The following SHPRH variants were observed in gnomAD, a reference collection of about 807,000 sequenced individuals.
SHPRH encodes the protein E3 ubiquitin-protein ligase SHPRH.
SHPRH carries 106 observed loss-of-function variants against 202.5 expected under a neutral mutation model. The observed-to-expected ratio is 0.52, with a 90% CI of 0.45 to 0.62. SHPRH has a LOEUF of 0.62. SHPRH is among the 20% of genes least tolerant of loss of function. SHPRH has a pLI of 0.00. For missense variants in SHPRH, 1,710 were observed against 2,020.0 expected (o/e 0.85, Z 2.94); for synonymous variants, 729 against 686.0 (o/e 1.06, Z -0.98).
intron 25 of SHPRH, among the ~76,000 whole-genome samples, chr6:145,900,932 G>A (rs1782452022): frequency 6.6e-6 from 1 of 151,940 alleles, no homozygotes; most frequent in Admixed American, 6.6e-5. Context: ...CAAATGTGGG[G>A]GGCCAACTAT....
intron 25 of SHPRH, among the ~76,000 whole-genome samples, chr6:145,901,110 T>G (rs1782466680): frequency 6.6e-6 from 1 of 152,160 alleles, no homozygotes; most frequent in South Asian, 2.1e-4. Flanking sequence ...ATATTTCATT[T>G]GACAGTTAAC....
Position 145,955,186 on chromosome 6 carries a change from C to G in SHPRH, c.137G>C (p.Gly46Ala), listed in dbSNP as rs774191147. The stretch of plus-strand genomic sequence containing the variant: ...ATAATGAGCAGAAGAGGTATCTGAA[C>G]CTGGGCAGGGCTGCTCGTCATCATC... ...ISDDDEQPCPGSDTSSAHYII... is the reference protein window; with the variant it reads ...ISDDDEQPCPASDTSSAHYII... The change falls in exon 2 of 30, where the codon GGT becomes GCT. Residue 46 changes from glycine to alanine, a missense_variant. This residue lies in a region of SHPRH where 459 missense variants were observed against 426.5 expected (regional missense o/e 1.08). Coordinates refer to ENST00000275233, the MANE Select transcript of SHPRH (RefSeq NM_001042683.3). The G allele has an allele frequency of 1.2e-6, 2 of 1,613,782 alleles. No homozygotes were observed. Among genetic ancestry groups the G allele is most frequent in the Non-Finnish European group, 1.7e-6 (2 of 1,179,934 alleles).
chr6:145,864,339 G>A, exon 3 of SHPRH: 1 of 405,748 alleles, frequency 2.5e-6, no homozygotes, highest in Non-Finnish European at 5.1e-6. Flanking sequence ...TGAAAAAGAT[G>A]ATAAAAAACA....
At chr6:145,932,147 G>T (rs1055835393) in intron 14 of SHPRH, among the ~76,000 whole-genome samples, 3 of 151,760 alleles carry the variant, frequency 2.0e-5, no homozygotes, top group South Asian at 2.1e-4. Flanking sequence ...TGTTTTCAAG[G>T]TTTCTACTTA....
At chr6:145,903,281 T>C (rs1463673660) in intron 25 of SHPRH, 1 of 151,918 alleles carries the variant, frequency 6.6e-6, no homozygotes, top group East Asian at 1.9e-4. Flanking sequence ...TTTAATTATA[T>C]TTTAAAAGTG....
chr6:145,898,479 T>C (rs980374109), intron 25 of SHPRH, among the ~76,000 whole-genome samples: 4 of 152,146 alleles, frequency 2.6e-5, no homozygotes, highest in African/African-American at 9.7e-5. Flanking sequence ...TGATTTGAGT[T>C]TGTCCTCAGC....
Position 145,935,460 on chromosome 6 carries a change from A to G in SHPRH, c.2570-19T>C. ...AAAAGATCTGAAAAGAAAAAATAAAATACATTGAGGATAACTCTATTACTT... is the reference window on the plus strand; with the variant it reads ...AAAAGATCTGAAAAGAAAAAATAAAGTACATTGAGGATAACTCTATTACTT... On this transcript the variant is annotated intron_variant, in intron 11 of 29. Transcript: ENST00000275233. 6.2e-7 allele frequency: 1 copy of G among 1,611,868 alleles called. No homozygotes were observed. The highest frequency in any genetic ancestry group is 8.5e-7 in the Non-Finnish European group (1 of 1,179,046).
At chr6:145,948,435 G>C in intron 4 of SHPRH, 85 bp from the exon 5 acceptor site, 2 of 1,025,436 alleles carry the variant, frequency 2.0e-6, no homozygotes, top group Non-Finnish European at 2.9e-6. Flanking sequence ...GGTTAACAGT[G>C]AGGATACTCT....
At chr6:145,931,761 AATATT>A (rs1314989719) in intron 14 of SHPRH, among the ~76,000 whole-genome samples, 1 of 152,162 alleles carries the variant, frequency 6.6e-6, no homozygotes, top group African/African-American at 2.4e-5. Flanking sequence ...ACCTTCATAT[AATATT>A]ATACCTCTTC....
At chr6:145,909,134 A>G (rs892820762) in intron 25 of SHPRH, 2 of 152,048 alleles carry the variant, frequency 1.3e-5, no homozygotes, top group African/African-American at 4.8e-5. Flanking sequence ...TGTTTTGGTT[A>G]CTGTAGCCTT....
rs764724098 is a variant in SHPRH at position 145,894,869 on chromosome 6, A to C, written c.4608+16T>G. The stretch of plus-strand genomic sequence containing the variant: ...TCAGTTCGAATTAATATTGAGGATG[A>C]AAATGTTGATTATACCGTTGAGAAA... On this transcript the variant is annotated intron_variant, in intron 26 of 29. Transcript: ENST00000275233. 1.2e-6 allele frequency: 2 copies of C among 1,610,388 alleles called. No homozygotes were observed. Among genetic ancestry groups the C allele is most frequent in the Admixed American group, 3.3e-5 (2 of 59,780 alleles).
chr6:145,858,850 T>C, the SHPRH span, among the ~76,000 whole-genome samples: 6 of 151,974 alleles, frequency 3.9e-5, no homozygotes, highest in African/African-American at 1.4e-4. Flanking sequence ...GAAAGAATAA[T>C]CTGGCATACT....
downstream of SHPRH, among the ~76,000 whole-genome samples, chr6:145,882,929 C>T (rs1780687289): frequency 6.6e-6 from 1 of 152,126 alleles, no homozygotes. Context: ...GAACTGTGTG[C>T]ATATACAAAT....
chr6:145,916,246 C>T (rs965845398), intron 23 of SHPRH, among the ~76,000 whole-genome samples: 1 of 152,086 alleles, frequency 6.6e-6, no homozygotes, highest in Non-Finnish European at 1.5e-5. Context: ...CTTTCACATA[C>T]AGGTTGAGCA....
intron 24 of SHPRH, among the ~76,000 whole-genome samples, chr6:145,912,308 G>C (rs1287128889): frequency 6.6e-6 from 1 of 151,984 alleles, no homozygotes; most frequent in Non-Finnish European, 1.5e-5. Flanking sequence ...TATGAACAGA[G>C]CTTGAAAAGT....
chr6:145,919,621 A>T (rs917659713), intron 21 of SHPRH, 130 bp from the exon 22 acceptor site: 1 of 1,033,084 alleles, frequency 9.7e-7, no homozygotes, highest in Non-Finnish European at 1.4e-6. Context: ...CTAACGTACA[A>T]GTAGTTCCTG....
At chr6:145,871,796 A>G (rs919072723) in intron 2 of SHPRH, among the ~76,000 whole-genome samples, 1 of 152,212 alleles carries the variant, frequency 6.6e-6, no homozygotes, top group Non-Finnish European at 1.5e-5. Context: ...ACTTCAAACT[A>G]TACGATAGGG....
Position 145,954,711 on chromosome 6 carries a change from T to C in SHPRH, c.612A>G (p.Pro204=). Residue 204 remains proline, a synonymous_variant, in exon 2 of 30, where the codon CCA becomes CCG. Transcript: ENST00000275233. ...GTACCTTGATAATGTGATTTCCTTCTGGTTTCTGATAGAGTTTTATTCTTC... is the reference window on the plus strand; with the variant it reads ...GTACCTTGATAATGTGATTTCCTTCCGGTTTCTGATAGAGTTTTATTCTTC... ...KKRRIKLYQK[P]EGNHIIKVGI... is the part of the protein sequence containing the mutation. The C allele has an allele frequency of 6.3e-7, 1 of 1,588,206 alleles. No homozygotes were observed. The highest frequency in any genetic ancestry group is 8.5e-7 in the Non-Finnish European group (1 of 1,172,518).
chr6:145,959,238 T>G (rs1378549336), intron 1 of SHPRH, among the ~76,000 whole-genome samples: 2 of 152,226 alleles, frequency 1.3e-5, no homozygotes, highest in African/African-American at 4.8e-5. Context: ...ATTCACTCCC[T>G]GACTAACCCA....
Sources: gnomAD v4.1 joint callset for allele counts (sites outside exome capture counted in the v4.1 genomes callset) on GRCh38, gnomAD v4.1.1 for gene constraint, gnomAD v4.1.1 regional missense constraint, MANE v1.5 for transcripts, NCBI Gene and HGNC (gene_info 2026-07-23, HGNC 2026-07-21) for gene names.